Variants in AVL9 observed in about 807,000 individuals in gnomAD.
AVL9 encodes the protein late secretory pathway protein AVL9 homolog.
Under a neutral mutation model 79.2 loss-of-function variants are expected in AVL9, and 49 were observed. The observed-to-expected ratio is 0.62, with a 90% confidence interval of 0.49 to 0.79. AVL9 has a LOEUF of 0.79. Among genes scored for constraint, AVL9 ranks in the 30% least tolerant of loss-of-function variants. The probability of loss-of-function intolerance (pLI) is 0.00; values close to 1 mark genes in which losing one functional copy is unlikely to be tolerated. For synonymous variants in AVL9, 299 were observed against 280.6 expected, an observed-to-expected ratio of 1.07 and a Z score of -0.65; for missense variants, 682 against 776.8, an observed-to-expected ratio of 0.88 and a Z score of 1.45.
intron 1 of AVL9, among the ~76,000 whole-genome samples, chr7:32,503,326 ATATATATC>A (rs1362689211): frequency 8.9e-6 from 1 of 112,170 alleles, no homozygotes; most frequent in African/African-American, 3.4e-5. Context: ...AAAGATATAT[ATATATATC>A]TATATATATA....
intron 1 of AVL9, among the ~76,000 whole-genome samples, chr7:32,511,912 G>A (rs1216253934): frequency 1.3e-5 from 2 of 152,154 alleles, no homozygotes; most frequent in Non-Finnish European, 2.9e-5. Flanking sequence ...TAACTCACTT[G>A]TCCAAACGAG....
chr7:32,497,653 C>CTTTT (rs59504023), intron 1 of AVL9, among the ~76,000 whole-genome samples: 7 of 117,102 alleles, frequency 6.0e-5, no homozygotes, highest in Admixed American at 8.6e-5. Flanking sequence ...ACCATTAGTT[C>CTTTT]TTTTTTTTTT....
chr7:32,512,685 C>T (rs895080640), intron 1 of AVL9, among the ~76,000 whole-genome samples: 17 of 152,190 alleles, frequency 1.1e-4, no homozygotes, highest in African/African-American at 3.9e-4. Flanking sequence ...AAAGCTGGTA[C>T]ACTCTCTGCC....
chr7:32,518,345 ATAAT>A (rs1011308908), intron 1 of AVL9, among the ~76,000 whole-genome samples: 2 of 152,246 alleles, frequency 1.3e-5, no homozygotes, highest in African/African-American at 2.4e-5. Flanking sequence ...TTAAAATAAA[ATAAT>A]TAGTTAAATG....
intron 1 of AVL9, among the ~76,000 whole-genome samples, chr7:32,541,191 G>A (rs1207693210): frequency 2.0e-5 from 3 of 151,890 alleles, no homozygotes; most frequent in Non-Finnish European, 4.4e-5. Context: ...GTGAGCCACC[G>A]CGCCCGGCCT....
At chr7:32,554,665 C>G in intron 8 of AVL9, 69 bp downstream of exon 8, 1 of 1,108,976 alleles carries the variant, frequency 9.0e-7, no homozygotes, top group South Asian at 1.9e-5. Flanking sequence ...TACATTATTT[C>G]ATAAAATTGA....
At chr7:32,570,279 T>C in intron 11 of AVL9, 125 bp downstream of exon 11, 3 of 1,284,798 alleles carry the variant, frequency 2.3e-6, no homozygotes, top group East Asian at 2.3e-5. Flanking sequence ...ATGCCATGTA[T>C]TCTAAGTATT....
chr7:32,548,672 G>GGCCCAAACT (rs970179231), intron 3 of AVL9, among the ~76,000 whole-genome samples, 175 bp from the exon 4 acceptor site: 12 of 152,036 alleles, frequency 7.9e-5, no homozygotes, highest in Non-Finnish European at 1.6e-4. Context: ...CTGGCACATA[G>GGCCCAAACT]GCCCAAACTG....
chr7:32,570,245 G>C, intron 11 of AVL9, 91 bp downstream of exon 11: 1 of 1,493,686 alleles, frequency 6.7e-7, no homozygotes, highest in South Asian at 1.2e-5. Flanking sequence ...AACAACATTA[G>C]TAATGATAAT....
intron 5 of AVL9, among the ~76,000 whole-genome samples, 172 bp from the exon 6 acceptor site, chr7:32,552,057 A>G (rs938179453): frequency 2.6e-5 from 4 of 152,226 alleles, no homozygotes; most frequent in Non-Finnish European, 5.9e-5. Context: ...CATATCCAGA[A>G]GAGAAGAAAT....
Position 32,499,016 on chromosome 7 carries a change from A to G in AVL9, c.93+3214A>G. Among the ~76,000 whole-genome samples the G allele has an allele frequency of 3.4e-5, 2 of 59,146 alleles. 1 individual carries two copies. The highest frequency in any genetic ancestry group is 1.4e-4 in the African/African-American group (2 of 14,156). 38.8% of individuals were successfully genotyped at this position (59,146 alleles called of 152,430 possible). A position where few individuals can be genotyped will look rare whatever the true frequency, so the allele number is the denominator to read the frequency against. ...CCGCCTCTACTAAAAATACAAAATT[A>G]GCTGCGCGTGGTGGCACATGCCTGT... On this transcript the variant is annotated intron_variant, in intron 1 of 15. Coordinates refer to ENST00000318709, the MANE Select transcript of AVL9 (RefSeq NM_015060.3).
In AVL9 at chr7:32,579,424, TATAATATA is replaced by T. The variant is rs1562801522; in HGVS notation, c.1689-794_1689-787del. ...TATATTATATATAATATGTTATATA[TATAATATA>T]TATATTATATATAATATATTATATA... On this transcript the variant is annotated intron_variant, in intron 13 of 15. Transcript: ENST00000318709. Among the ~76,000 whole-genome samples, 37 of 5,370 alleles carry T rather than the reference TATAATATA, an allele frequency of 6.9e-3. 6 individuals are homozygous for T. Among genetic ancestry groups the T allele is most frequent in the Non-Finnish European group, 9.8e-3 (31 of 3,152 alleles). The allele number at this position is 5,370 out of a possible 152,430, so 3.5% of individuals were successfully genotyped here.
At chr7:32,575,537 CA>C (rs35730787) in intron 12 of AVL9, among the ~76,000 whole-genome samples, 75,425 of 151,862 alleles carry the variant, frequency 0.5, 20,629 homozygotes, top group Admixed American at 0.65. Flanking sequence ...AGAAAAATGA[CA>C]TTTATAAAAA....
At chr7:32,562,086 A>G (rs1295972771) in intron 10 of AVL9, among the ~76,000 whole-genome samples, 3 of 152,206 alleles carry the variant, frequency 2.0e-5, no homozygotes, top group Non-Finnish European at 4.4e-5. Context: ...ACACAATAAT[A>G]AGGAAAACGT....
intron 2 of AVL9, among the ~76,000 whole-genome samples, chr7:32,544,169 A>G (rs1327470503): frequency 1.3e-5 from 2 of 152,218 alleles, no homozygotes; most frequent in Non-Finnish European, 2.9e-5. Context: ...TGTCTGTACT[A>G]TCTATCTGAA....
chr7:32,582,914 A>C (rs1433615399), intron 15 of AVL9, among the ~76,000 whole-genome samples: 2 of 151,944 alleles, frequency 1.3e-5, no homozygotes, highest in Non-Finnish European at 2.9e-5. Context: ...GAATTCTTGG[A>C]CTCAAGCTAA....
chr7:32,578,651 T>C (rs1346335557), intron 13 of AVL9, among the ~76,000 whole-genome samples: 1 of 151,772 alleles, frequency 6.6e-6, no homozygotes, highest in African/African-American at 2.4e-5. Flanking sequence ...CTACTAAAAA[T>C]ACAAAAAAGT....
rs940353107 is a variant in AVL9 at position 32,586,365 on chromosome 7, G to A, written c.*2458G>A. On this transcript the variant is annotated 3_prime_UTR_variant, in exon 16 of 16. Transcript: ENST00000318709. ...ATATTTCCTTCAGGTTCTGGGAGGT[G>A]GAGTTTTTCAAGGAACACTGGCTGT... The A allele has an allele frequency of 3.3e-5, 5 of 152,102 alleles. No individual in the cohort carries two copies. The highest frequency in any genetic ancestry group is 3.9e-4 in the East Asian group (2 of 5,188). The allele number at this position is 152,102 out of a possible 1,614,324, so 9.4% of individuals were successfully genotyped here.
chr7:32,502,615 T>G (rs1438167496), intron 1 of AVL9, among the ~76,000 whole-genome samples: 1 of 152,212 alleles, frequency 6.6e-6, no homozygotes, highest in Admixed American at 6.5e-5. Context: ...TGAATAGCGC[T>G]GCAAAGAACA....
Sources: allele counts gnomAD v4.1 joint callset (sites outside exome capture counted in the v4.1 genomes callset), GRCh38; gene constraint gnomAD v4.1.1; transcripts MANE v1.5; gene names NCBI Gene and HGNC (gene_info 2026-07-23, HGNC 2026-07-21).